Variants in DLC1 observed in about 807,000 individuals in gnomAD.
The protein encoded by DLC1 is DLC1 Rho GTPase activating protein, also known as rho GTPase-activating protein 7.
A neutral mutation model predicts 140.3 loss-of-function variants in DLC1; 54 were observed. The ratio of observed to expected loss-of-function variants is 0.38; its 90% confidence interval spans 0.31 to 0.48. DLC1 has a LOEUF of 0.48. Among genes scored for constraint, DLC1 ranks in the 20% least tolerant of loss-of-function variants. DLC1 has a pLI of 0.96. For missense variants in DLC1, 2,536 were observed against 1,907.0 expected, an observed-to-expected ratio of 1.33 and a Z score of -6.14; for synonymous variants, 986 against 728.1, an observed-to-expected ratio of 1.35 and a Z score of -5.70.
intron 1 of DLC1, among the ~76,000 whole-genome samples, chr8:13,539,886 C>A (rs950651838): frequency 5.3e-5 from 8 of 151,842 alleles, no homozygotes; most frequent in Non-Finnish European, 1.2e-4. Flanking sequence ...AGTGCTGATT[C>A]AATTATTTTA....
chr8:13,501,312 C>A (rs1291371729), intron 1 of DLC1, among the ~76,000 whole-genome samples: 6 of 152,090 alleles, frequency 3.9e-5, no homozygotes, highest in Non-Finnish European at 4.4e-5. Flanking sequence ...ATTCTTCAAA[C>A]CCTTAGTTAA....
rs745727395 is a variant in DLC1, at chr8:13,100,101, GGCTGCT to G, written c.2230_2235del (p.Ser744_Ser745del). 17 of 1,613,458 alleles carry G rather than the reference GGCTGCT, an allele frequency of 1.1e-5. No individual in the cohort carries two copies. Among genetic ancestry groups the G allele is most frequent in the Non-Finnish European group, 1.4e-5 (16 of 1,179,842 alleles). The stretch of plus-strand genomic sequence containing the variant: ...CTGACCGCGCTGCTGGTCTCCGACT[GGCTGCT>G]GCTGCTGCTGGTCTGCGTGGAGTTG... On this transcript the variant is annotated inframe_deletion, in exon 9 of 18. Coordinates refer to ENST00000276297, the MANE Select transcript of DLC1 (RefSeq NM_182643.3).
chr8:13,560,121 T>C (rs1386462581), intron 1 of DLC1, among the ~76,000 whole-genome samples: 1 of 152,242 alleles, frequency 6.6e-6, no homozygotes, highest in Non-Finnish European at 1.5e-5. Context: ...TTTGCTACTC[T>C]TAAATATACT....
intron 5 of DLC1, among the ~76,000 whole-genome samples, chr8:13,280,034 C>G (rs1260401380): frequency 6.6e-6 from 1 of 151,478 alleles, no homozygotes; most frequent in East Asian, 1.9e-4. Context: ...AATCCCAGCA[C>G]TTTGGGAGGC....
chr8:13,117,676 T>G (rs1455295290), intron 5 of DLC1, among the ~76,000 whole-genome samples: 5 of 152,274 alleles, frequency 3.3e-5, no homozygotes, highest in African/African-American at 1.2e-4. Flanking sequence ...GTAAATGTGC[T>G]TGCTTTCTTA....
At chr8:13,514,941 G>C (rs1331748674), upstream of DLC1, 1 of 288,328 alleles carries the variant, frequency 3.5e-6, no homozygotes, top group Non-Finnish European at 6.4e-6. Context: ...TAGAAAGGCT[G>C]TACGAAGAGA....
At chr8:13,561,606 T>G (rs1370430224) in intron 1 of DLC1, among the ~76,000 whole-genome samples, 1 of 152,204 alleles carries the variant, frequency 6.6e-6, no homozygotes, top group Non-Finnish European at 1.5e-5. Flanking sequence ...AGTTTGTTCT[T>G]TATTAATTTA....
At chr8:13,213,843 G>T (rs577949115) in intron 5 of DLC1, among the ~76,000 whole-genome samples, 14 of 151,848 alleles carry the variant, frequency 9.2e-5, no homozygotes, top group African/African-American at 3.4e-4. Flanking sequence ...GAGTGCAGTG[G>T]CGTGATCTCA....
chr8:13,556,384 G>A (rs887560345), intron 1 of DLC1, among the ~76,000 whole-genome samples: 1 of 152,144 alleles, frequency 6.6e-6, no homozygotes, highest in Non-Finnish European at 1.5e-5. Flanking sequence ...GTCTGCGTCT[G>A]ACTTCCAAAA....
At chr8:13,125,527 T>C (rs1362980108) in intron 5 of DLC1, among the ~76,000 whole-genome samples, 1 of 152,202 alleles carries the variant, frequency 6.6e-6, no homozygotes, top group Non-Finnish European at 1.5e-5. Flanking sequence ...AAATACCTCT[T>C]GAAGCTTTTC....
intron 5 of DLC1, among the ~76,000 whole-genome samples, chr8:13,224,460 C>G (rs1828698128): frequency 6.6e-6 from 1 of 152,078 alleles, no homozygotes; most frequent in Non-Finnish European, 1.5e-5. Context: ...ATGCCCGTGT[C>G]ATTAATTCTG....
rs76670267 is a variant in DLC1, at chr8:13,467,117, G to C, written c.1023+31932C>G. 5.1e-3 allele frequency among the ~76,000 whole-genome samples: 769 copies of C among 152,202 alleles called. 3 individuals are homozygous for C. Among genetic ancestry groups the C allele is most frequent in the Non-Finnish European group, 7.0e-3 (478 of 67,992 alleles). On this transcript the variant is annotated intron_variant, in intron 2 of 17. Transcript: ENST00000276297. The stretch of plus-strand genomic sequence containing the variant: ...AAGATTTACTCCTTTGTAACTTACA[G>C]TTCCTGTTGTTTTTGAAAATGACAA...
At chr8:13,250,485 A>G (rs1021692841) in intron 5 of DLC1, among the ~76,000 whole-genome samples, 4 of 152,196 alleles carry the variant, frequency 2.6e-5, no homozygotes, top group African/African-American at 9.6e-5. Context: ...AATTATTGTT[A>G]TGGTAATTCT....
intron 1 of DLC1, among the ~76,000 whole-genome samples, chr8:13,539,711 T>G (rs12547873): frequency 0.069 from 10,547 of 151,960 alleles, 592 homozygotes; most frequent in Admixed American, 0.17. Context: ...TTTATTCTGT[T>G]TTTGTTCCTG....
In DLC1 at chr8:13,399,294, A is replaced by G. The variant is rs191510646; in HGVS notation, c.1173+2176T>C. Among the ~76,000 whole-genome samples the G allele has an allele frequency of 1.4e-3, 217 of 152,248 alleles. 1 individual carries two copies. Among genetic ancestry groups the G allele is most frequent in the African/African-American group, 5.1e-3 (211 of 41,528 alleles). ...ATCTCATTGTAAAGAAAAAACTGGC[A>G]TGTTGGGAAGGTTTCTAATGTAGCA... On this transcript the variant is annotated intron_variant, in intron 3 of 17. Coordinates refer to ENST00000276297, the MANE Select transcript of DLC1 (RefSeq NM_182643.3).
At chr8:13,121,707 C>A (rs1217595655) in intron 5 of DLC1, among the ~76,000 whole-genome samples, 2 of 138,522 alleles carry the variant, frequency 1.4e-5, no homozygotes, top group African/African-American at 6.0e-5. Flanking sequence ...TACCACCATG[C>A]CTGGCTAAGT....
intron 3 of DLC1, among the ~76,000 whole-genome samples, chr8:13,395,175 C>T (rs1836978503): frequency 6.6e-6 from 1 of 150,850 alleles, no homozygotes; most frequent in Non-Finnish European, 1.5e-5. Flanking sequence ...GGCTGGAGTG[C>T]AATGGCGCAA....
intron 2 of DLC1, among the ~76,000 whole-genome samples, chr8:13,483,966 G>T (rs1386791209): frequency 1.3e-5 from 2 of 151,706 alleles, no homozygotes; most frequent in Non-Finnish European, 2.9e-5. Flanking sequence ...CTGTAGTCTA[G>T]CTACTAGGGA....
chr8:13,096,969 C>G (rs1818548696), intron 10 of DLC1, among the ~76,000 whole-genome samples: 1 of 152,134 alleles, frequency 6.6e-6, no homozygotes, highest in Non-Finnish European at 1.5e-5. Flanking sequence ...CTCTGCTTGG[C>G]ACTGATAGCA....
Sources: allele counts gnomAD v4.1 joint callset (sites outside exome capture counted in the v4.1 genomes callset), GRCh38; gene constraint gnomAD v4.1.1; transcripts MANE v1.5; gene names NCBI Gene and HGNC (gene_info 2026-07-23, HGNC 2026-07-21).